FGF14: variants seen among roughly 807,000 people sequenced by gnomAD.
FGF14 encodes fibroblast growth factor 14.
Under a neutral mutation model 25.5 loss-of-function variants are expected in FGF14, and 5 were observed. The ratio of observed to expected loss-of-function variants is 0.20; its 90% CI spans 0.10 to 0.41. FGF14 has a LOEUF of 0.41. FGF14 is among the 10% of genes least tolerant of loss of function. The pLI is 1.00. For synonymous variants in FGF14, 138 were observed against 118.3 expected (o/e 1.17, Z -1.08); for missense variants, 222 against 320.1 (o/e 0.69, Z 2.34).
chr13:102,276,298 TACACACAC>T (rs57994075), intron 1 of FGF14, among the ~76,000 whole-genome samples: 1,826 of 118,230 alleles, frequency 0.015, 52 homozygotes, highest in African/African-American at 0.055. Flanking sequence ...AACTTGGAAA[TACACACAC>T]ACACACACAC....
chr13:102,120,993 C>T (rs2045699108), intron 1 of FGF14, among the ~76,000 whole-genome samples: 1 of 152,168 alleles, frequency 6.6e-6, no homozygotes. Context: ...CATGAGCCAC[C>T]GCGCCCGGCC....
intron 1 of FGF14, among the ~76,000 whole-genome samples, chr13:102,081,488 C>T (rs1431018962): frequency 4.6e-5 from 7 of 152,108 alleles, no homozygotes; most frequent in Admixed American, 1.3e-4. Flanking sequence ...GAACATTCAT[C>T]GACCTTCCCA....
intron 1 of FGF14, among the ~76,000 whole-genome samples, chr13:102,025,368 T>C (rs1293112784): frequency 1.3e-5 from 2 of 152,028 alleles, no homozygotes; most frequent in African/African-American, 4.8e-5. Context: ...ATAGGCATTA[T>C]ATAATTTATT....
intron 1 of FGF14, among the ~76,000 whole-genome samples, chr13:102,000,610 C>T (rs2039439830): frequency 6.6e-6 from 1 of 152,132 alleles, no homozygotes; most frequent in African/African-American, 2.4e-5. Flanking sequence ...GAGAAACAGT[C>T]CAGCAAGGAA....
intron 1 of FGF14, among the ~76,000 whole-genome samples, chr13:102,340,096 G>A (rs1293188059): frequency 6.6e-6 from 1 of 152,164 alleles, no homozygotes; most frequent in East Asian, 1.9e-4. Flanking sequence ...AAAAAACACA[G>A]TAATTAGTAT....
In FGF14 at chr13:101,815,598, G is replaced by A. The variant is rs189087030; in HGVS notation, c.408+53127C>T. 3.1e-4 allele frequency among the ~76,000 whole-genome samples: 47 copies of A among 152,218 alleles called. No individual in the cohort carries two copies. The Middle Eastern group carries it at 0.01, about 33-fold the overall frequency. On this transcript the variant is annotated intron_variant, in intron 3 of 4. Coordinates refer to ENST00000376143, the MANE Select transcript of FGF14 (RefSeq NM_004115.4). ...AATGAAGCTAAGTGAGGGCTTCATCGTATCTTATCACAGTCACCAGCACTA... is the reference window on the plus strand; with the variant it reads ...AATGAAGCTAAGTGAGGGCTTCATCATATCTTATCACAGTCACCAGCACTA...
At chr13:102,003,570 A>C (rs76787683) in intron 1 of FGF14, among the ~76,000 whole-genome samples, 3,744 of 152,066 alleles carry the variant, frequency 0.025, 68 homozygotes, top group Non-Finnish European at 0.034. Context: ...TACATCAAAG[A>C]TGTTGTGACC....
chr13:102,382,780 A>G (rs2058213721), intron 1 of FGF14, among the ~76,000 whole-genome samples: 1 of 152,168 alleles, frequency 6.6e-6, no homozygotes, highest in Admixed American at 6.5e-5. Flanking sequence ...GTGGAATACT[A>G]TACAATAATG....
At chr13:102,374,502 T>G (rs7995804) in intron 1 of FGF14, among the ~76,000 whole-genome samples, 151,498 of 151,504 alleles carry the variant, frequency 1, 75,746 homozygotes, top group Middle Eastern at 1. Context: ...AGCTGTGAAG[T>G]AGAAAGGCTG....
chr13:102,333,349 G>A (rs1437551598), intron 1 of FGF14, among the ~76,000 whole-genome samples: 5 of 152,170 alleles, frequency 3.3e-5, no homozygotes, highest in Non-Finnish European at 7.3e-5. Flanking sequence ...CTGCAAGCAA[G>A]GTAGGAAGGT....
chr13:102,144,327 A>G (rs1270348996), intron 1 of FGF14, among the ~76,000 whole-genome samples: 1 of 152,236 alleles, frequency 6.6e-6, no homozygotes, highest in East Asian at 1.9e-4. Context: ...TTTTCCTTCA[A>G]AAACTTTTGA....
At chr13:102,381,569 A>G (rs891265621) in intron 1 of FGF14, among the ~76,000 whole-genome samples, 2 of 152,198 alleles carry the variant, frequency 1.3e-5, no homozygotes, top group African/African-American at 4.8e-5. Context: ...ATGAGAAATT[A>G]ATAAATACCC....
At chr13:101,830,547 G>A (rs913444556) in intron 3 of FGF14, among the ~76,000 whole-genome samples, 3 of 152,134 alleles carry the variant, frequency 2.0e-5, no homozygotes, top group African/African-American at 4.8e-5. Flanking sequence ...CTCAAGAGGC[G>A]AATTTCGTGT....
At chr13:102,320,904 C>T (rs1439069544) in intron 1 of FGF14, among the ~76,000 whole-genome samples, 12 of 152,286 alleles carry the variant, frequency 7.9e-5, no homozygotes, top group African/African-American at 2.6e-4. Flanking sequence ...ACACTGAATT[C>T]TTAGCCAACT....
intron 4 of FGF14, among the ~76,000 whole-genome samples, chr13:101,724,885 A>G (rs2035302951): frequency 6.6e-6 from 1 of 151,712 alleles, no homozygotes; most frequent in African/African-American, 2.4e-5. Flanking sequence ...ATATATGTAT[A>G]TATACACACA....
At chr13:101,776,117 T>C (rs2039087821) in intron 3 of FGF14, among the ~76,000 whole-genome samples, 1 of 152,140 alleles carries the variant, frequency 6.6e-6, no homozygotes, top group Admixed American at 6.5e-5. Context: ...CACATAGGTA[T>C]CCAGAAAAGA....
chr13:102,095,095 G>A (rs2044329907), intron 1 of FGF14, among the ~76,000 whole-genome samples: 1 of 152,176 alleles, frequency 6.6e-6, no homozygotes, highest in Non-Finnish European at 1.5e-5. Context: ...GAAAGCCATC[G>A]ATCCAGAAAC....
intron 3 of FGF14, among the ~76,000 whole-genome samples, chr13:101,854,515 G>A (rs897185128): frequency 1.3e-5 from 2 of 152,046 alleles, no homozygotes; most frequent in African/African-American, 4.8e-5. Flanking sequence ...TGCTGACCTA[G>A]TATAATTAAT....
At chr13:102,356,720 T>C (rs550309119) in intron 1 of FGF14, among the ~76,000 whole-genome samples, 23 of 152,270 alleles carry the variant, frequency 1.5e-4, no homozygotes, top group African/African-American at 5.5e-4. Flanking sequence ...TAGCAGGGCA[T>C]TGGTTACATA....
Sources: allele counts gnomAD v4.1 joint callset (sites outside exome capture counted in the v4.1 genomes callset), GRCh38; gene constraint gnomAD v4.1.1; transcripts MANE v1.5; gene names NCBI Gene and HGNC (gene_info 2026-07-23, HGNC 2026-07-21).